Variants in ADGRV1 observed in about 807,000 individuals in gnomAD.
ADGRV1 encodes adhesion G protein-coupled receptor V1, also known as G-protein coupled receptor 98.
Under a neutral mutation model 596.2 loss-of-function variants are expected in ADGRV1, and 359 were observed. That is an observed-to-expected ratio of 0.60 (90% CI 0.55 to 0.66). ADGRV1 has a LOEUF of 0.66. ADGRV1 is among the 30% of genes least tolerant of loss of function. The pLI is 0.00. For synonymous variants in ADGRV1, 2,681 were observed against 2,679.2 expected (o/e 1.00, Z -0.02); for missense variants, 7,274 against 7,575.6 (o/e 0.96, Z 1.48).
intron 59 of ADGRV1, among the ~76,000 whole-genome samples, chr5:90,773,079 G>C (rs1269662315): frequency 6.6e-6 from 1 of 151,790 alleles, no homozygotes; most frequent in African/African-American, 2.4e-5. Context: ...TGAGGCAGGA[G>C]AATAGTTTGA....
intron 21 of ADGRV1, among the ~76,000 whole-genome samples, chr5:90,663,134 G>A (rs1440150154): frequency 6.7e-6 from 1 of 149,952 alleles, no homozygotes; most frequent in African/African-American, 2.5e-5. Context: ...CCCAGTAATG[G>A]GATGGCTGGG....
rs1878879 is a variant in ADGRV1, at chr5:90,700,628, T to C, written c.8156-3037T>C. Among the ~76,000 whole-genome samples, 881 of 152,236 alleles carry C rather than the reference T, an allele frequency of 5.8e-3. 8 individuals carry two copies. Among genetic ancestry groups the C allele is most frequent in the African/African-American group, 0.02 (841 of 41,554 alleles). ...TAATCATCATGTCATGTTCGATGGA[T>C]TTTAAATTTTTTCTTCTCTTAGGGA... On this transcript the variant is annotated intron_variant, in intron 34 of 89. Coordinates refer to ENST00000405460, the MANE Select transcript of ADGRV1 (RefSeq NM_032119.4).
chr5:91,091,066 A>G (rs1158825322), intron 86 of ADGRV1, among the ~76,000 whole-genome samples: 1 of 152,194 alleles, frequency 6.6e-6, no homozygotes, highest in Non-Finnish European at 1.5e-5. Flanking sequence ...TGACTTCTCA[A>G]TGGCCCTGGA....
chr5:90,818,952 C>G (rs1290800627), intron 75 of ADGRV1, among the ~76,000 whole-genome samples: 1 of 151,732 alleles, frequency 6.6e-6, no homozygotes, highest in African/African-American at 2.4e-5. Context: ...GGAGGATTCC[C>G]TCTTTTTCTG....
chr5:90,787,924 G>A lies in ADGRV1; in HGVS notation c.13654-147G>A, dbSNP rs1170571980. 5 of 561,398 alleles carry A rather than the reference G, an allele frequency of 8.9e-6. No individual in the cohort carries two copies. In the African/African-American group the frequency reaches 9.7e-5, roughly 11 times the overall value. The allele number at this position is 561,398 out of a possible 1,614,324, so 34.8% of individuals were successfully genotyped here. On this transcript the variant is annotated intron_variant, in intron 67 of 89. Coordinates refer to ENST00000405460, the MANE Select transcript of ADGRV1 (RefSeq NM_032119.4). ...CATTATTTTTAACAAAAAAAAACAA[G>A]TTTATGAAACAGGAATTTGATGGAA...
At chr5:90,862,316 A>G (rs1202893676) in intron 82 of ADGRV1, among the ~76,000 whole-genome samples, 3 of 60 alleles carry the variant, frequency 0.05, no homozygotes, top group Non-Finnish European at 0.071. Flanking sequence ...CTTAAAATGA[A>G]AAAAACCTTG....
intron 13 of ADGRV1, among the ~76,000 whole-genome samples, chr5:90,643,577 T>C (rs1220902527): frequency 6.6e-6 from 1 of 152,206 alleles, no homozygotes; most frequent in Non-Finnish European, 1.5e-5. Context: ...AGTAGTATCA[T>C]TGTTTCTCTT....
intron 78 of ADGRV1, among the ~76,000 whole-genome samples, chr5:90,844,048 G>A (rs1765655796): frequency 6.6e-6 from 1 of 152,120 alleles, no homozygotes; most frequent in South Asian, 2.1e-4. Context: ...TTTAGTATAA[G>A]CATATTGCAG....
chr5:90,888,270 C>G (rs1360970932), intron 83 of ADGRV1, among the ~76,000 whole-genome samples: 2 of 152,112 alleles, frequency 1.3e-5, no homozygotes, highest in African/African-American at 4.8e-5. Context: ...CCATATAACT[C>G]TGTGATAGCA....
intron 85 of ADGRV1, among the ~76,000 whole-genome samples, chr5:91,020,210 G>A (rs1783521355): frequency 6.6e-6 from 1 of 151,970 alleles, no homozygotes; most frequent in Admixed American, 6.6e-5. Flanking sequence ...TACCACTGGT[G>A]TATGCTTTTG....
Position 90,697,149 on chromosome 5 carries a change from G to A in ADGRV1, c.8155+3G>A, listed in dbSNP as rs1747297515. ...CAGATCTGTCATAGGTCATGAAGGT[G>A]GGTTCCTTTTTTTGTTAAGCATATT... On this transcript the variant is annotated splice_donor_region_variant and intron_variant, in intron 34 of 89. Coordinates refer to ENST00000405460, the MANE Select transcript of ADGRV1 (RefSeq NM_032119.4). 6.2e-7 allele frequency: 1 copy of A among 1,608,540 alleles called. No homozygotes were observed. Among genetic ancestry groups the A allele is most frequent in the Admixed American group, 1.7e-5 (1 of 59,618 alleles).
At position 90,791,273 on chromosome 5, in the gene ADGRV1, A is replaced by G. The variant is rs1427451604; in HGVS notation, c.14444A>G (p.Glu4815Gly). Reference protein sequence around the residue: ...SDHKEQPIVTENAERQLVVKD... With the variant: ...SDHKEQPIVTGNAERQLVVKD... Reference sequence around the variant, plus strand: ...CATAAAGAACAGCCGATTGTTACCGAAAATGCAGAGAGGCAGCTGGTGGTC... The same window carrying G: ...CATAAAGAACAGCCGATTGTTACCGGAAATGCAGAGAGGCAGCTGGTGGTC... The change falls in exon 70 of 90, where the codon GAA becomes GGA. Residue 4815 changes from glutamate (E) to glycine (G), a missense_variant. Coordinates refer to ENST00000405460, the MANE Select transcript of ADGRV1 (RefSeq NM_032119.4). 1 of 1,607,868 alleles carries G rather than the reference A, an allele frequency of 6.2e-7. No homozygotes were observed. The highest frequency in any genetic ancestry group is 2.2e-5 in the East Asian group (1 of 44,630).
At chr5:91,114,557 A>T (rs1792683919) in intron 87 of ADGRV1, among the ~76,000 whole-genome samples, 1 of 152,050 alleles carries the variant, frequency 6.6e-6, no homozygotes, top group Non-Finnish European at 1.5e-5. Flanking sequence ...GGGAGGGAGG[A>T]AGGGAAGGAA....
intron 50 of ADGRV1, among the ~76,000 whole-genome samples, chr5:90,736,219 A>G (rs546144694): frequency 2.0e-5 from 3 of 152,150 alleles, no homozygotes; most frequent in Non-Finnish European, 2.9e-5. Context: ...CTTTGCATCA[A>G]TTTAGATGAT....
intron 79 of ADGRV1, among the ~76,000 whole-genome samples, chr5:90,849,306 A>G (rs1277056297): frequency 6.6e-6 from 1 of 152,196 alleles, no homozygotes; most frequent in Non-Finnish European, 1.5e-5. Context: ...GCTCATGTTC[A>G]TTATTAACTA....
At chr5:90,821,802 A>G (rs1763546460) in intron 75 of ADGRV1, among the ~76,000 whole-genome samples, 1 of 152,034 alleles carries the variant, frequency 6.6e-6, no homozygotes, top group East Asian at 1.9e-4. Flanking sequence ...TGCTGGGAGA[A>G]CCACTGCTCT....
At position 90,728,707 on chromosome 5, in the gene ADGRV1, A is replaced by G. The variant is rs760013772; in HGVS notation, c.10200A>G (p.Gln3400=). ...ATGGAGGAAGCTTCGTGTTGCATCA[A>G]AAACTCCCTGTCCGAGGTGTGCTGA... ...RWNGGSFVLH[Q]KLPVRGVLTV... The change falls in exon 49 of 90, where the codon CAA becomes CAG. Residue 3400 remains glutamine (Q), a synonymous_variant. Coordinates refer to ENST00000405460, the MANE Select transcript of ADGRV1 (RefSeq NM_032119.4). The G allele has an allele frequency of 6.2e-6, 10 of 1,612,512 alleles. No individual in the cohort carries two copies. In the African/African-American group the frequency reaches 1.1e-4, roughly 17 times the overall value.
At chr5:90,793,343 T>C (rs1436504116) in intron 70 of ADGRV1, 1 of 152,224 alleles carries the variant, frequency 6.6e-6, no homozygotes, top group Non-Finnish European at 1.5e-5. Context: ...TAGCATTACA[T>C]TCTGAACATA....
Position 90,853,876 on chromosome 5 carries a change from C to T in ADGRV1, c.17455-186C>T, listed in dbSNP as rs909145820. 4.6e-5 allele frequency among the ~76,000 whole-genome samples: 7 copies of T among 151,906 alleles called. 1 individual carries two copies. The highest frequency in any genetic ancestry group is 1.5e-4 in the African/African-American group (6 of 41,340). Reference sequence around the variant, plus strand: ...GCTGAAGACTGCTGAATGGCTAAGGCGGGGTAGAAAGGGCACAATGGAAAA... The same window carrying T: ...GCTGAAGACTGCTGAATGGCTAAGGTGGGGTAGAAAGGGCACAATGGAAAA... On this transcript the variant is annotated intron_variant, in intron 80 of 89. Coordinates refer to ENST00000405460, the MANE Select transcript of ADGRV1 (RefSeq NM_032119.4).
Sources: gnomAD v4.1 joint callset for allele counts (sites outside exome capture counted in the v4.1 genomes callset) on GRCh38, gnomAD v4.1.1 for gene constraint, MANE v1.5 for transcripts, NCBI Gene and HGNC (gene_info 2026-07-23, HGNC 2026-07-21) for gene names.